ZNF804A: variants seen among roughly 807,000 people sequenced by gnomAD.
ZNF804A encodes zinc finger protein 804A.
A neutral mutation model predicts 16.5 loss-of-function variants in ZNF804A; 2 were observed. The observed-to-expected ratio is 0.12, with a 90% CI of 0.05 to 0.38. The LOEUF (loss-of-function observed/expected upper bound fraction) is 0.38, where lower values mean the gene tolerates loss of function less well. ZNF804A is among the 10% of genes least tolerant of loss of function. ZNF804A has a pLI of 0.99. For synonymous variants in ZNF804A, 534 were observed against 489.6 expected (o/e 1.09, Z -1.20); for missense variants, 1,473 against 1,390.7 (o/e 1.06, Z -0.94).
intron 1 of ZNF804A, among the ~76,000 whole-genome samples, chr2:184,637,699 T>TAAAATTTTTAGAAA (rs1691723620): frequency 2.8e-5 from 2 of 72,416 alleles, no homozygotes; most frequent in South Asian, 8.0e-4. Context: ...CTTTTTAAGG[T>TAAAATTTTTAGAAA]ATTTTATGAT....
At chr2:184,900,831 G>C (rs903835241) in intron 2 of ZNF804A, among the ~76,000 whole-genome samples, 11 of 152,180 alleles carry the variant, frequency 7.2e-5, no homozygotes, top group East Asian at 3.9e-4. Flanking sequence ...GCTCCCAAGG[G>C]GGGTAATACA....
chr2:184,697,977 A>T (rs1032087612), intron 1 of ZNF804A, among the ~76,000 whole-genome samples: 3 of 152,044 alleles, frequency 2.0e-5, no homozygotes, highest in African/African-American at 7.2e-5. Flanking sequence ...TATATCTAAT[A>T]TATATTGGAT....
intron 1 of ZNF804A, among the ~76,000 whole-genome samples, chr2:184,634,878 A>G (rs1267919697): frequency 6.6e-6 from 1 of 152,218 alleles, no homozygotes; most frequent in African/African-American, 2.4e-5. Flanking sequence ...GGTATTTGTC[A>G]GGCTTAAATT....
At chr2:184,903,134 T>C (rs1685213678) in intron 2 of ZNF804A, among the ~76,000 whole-genome samples, 1 of 152,064 alleles carries the variant, frequency 6.6e-6, no homozygotes, top group Non-Finnish European at 1.5e-5. Context: ...ACTCTTCTAG[T>C]TTTATCAGTA....
intron 1 of ZNF804A, among the ~76,000 whole-genome samples, chr2:184,644,928 C>T (rs953313363): frequency 1.3e-5 from 2 of 152,008 alleles, no homozygotes; most frequent in Non-Finnish European, 2.9e-5. Context: ...TCACAATTAC[C>T]TGGTGTATGG....
chr2:184,914,840 A>G (rs1052711446), intron 2 of ZNF804A, among the ~76,000 whole-genome samples: 1 of 151,906 alleles, frequency 6.6e-6, no homozygotes, highest in East Asian at 1.9e-4. Context: ...AATGATTAAA[A>G]TGTTAACTAA....
intron 1 of ZNF804A, among the ~76,000 whole-genome samples, chr2:184,862,673 A>G (rs1388277217): frequency 2.0e-5 from 3 of 152,044 alleles, no homozygotes; most frequent in Non-Finnish European, 4.4e-5. Context: ...AACTTTTTTT[A>G]AATGTGAAGT....
chr2:184,761,891 G>C (rs1042039820), intron 1 of ZNF804A, among the ~76,000 whole-genome samples: 1 of 152,074 alleles, frequency 6.6e-6, no homozygotes, highest in African/African-American at 2.4e-5. Context: ...TCAGGTCCCT[G>C]ATGAGCTTTT....
chr2:184,846,504 G>A (rs960430454), intron 1 of ZNF804A, among the ~76,000 whole-genome samples: 1 of 151,966 alleles, frequency 6.6e-6, no homozygotes, highest in Non-Finnish European at 1.5e-5. Context: ...AAAATTATAT[G>A]TATGGATTTT....
At chr2:184,930,824 T>C (rs1685686184) in intron 2 of ZNF804A, among the ~76,000 whole-genome samples, 1 of 152,256 alleles carries the variant, frequency 6.6e-6, no homozygotes, top group South Asian at 2.1e-4. Flanking sequence ...ATGGTATTTA[T>C]TAAAACTTTA....
chr2:184,820,290 C>T (rs191286488), intron 1 of ZNF804A, among the ~76,000 whole-genome samples: 104 of 152,232 alleles, frequency 6.8e-4, no homozygotes, highest in African/African-American at 2.2e-3. Context: ...TGTAATACAT[C>T]ACATAAACAG....
intron 1 of ZNF804A, among the ~76,000 whole-genome samples, chr2:184,818,503 T>G (rs1435363010): frequency 6.6e-6 from 1 of 151,820 alleles, no homozygotes; most frequent in Admixed American, 6.6e-5. Context: ...CATAAACAAG[T>G]CTGCAAAATA....
In ZNF804A at chr2:184,858,108, C is replaced by CT. The variant is rs57021452; in HGVS notation, c.112-8255dup. On this transcript the variant is annotated intron_variant, in intron 1 of 3. Coordinates refer to ENST00000302277, the MANE Select transcript of ZNF804A (RefSeq NM_194250.2). ...CTTTAGTGATAGACTTTTATTCCTA[C>CT]TTTTTTATCTTTGGTATATCTATTA... Among the ~76,000 whole-genome samples the CT allele has an allele frequency of 7.6e-3, 1,149 of 152,024 alleles. 18 individuals carry two copies. The highest frequency in any genetic ancestry group is 0.026 in the African/African-American group (1,092 of 41,472).
intron 1 of ZNF804A, among the ~76,000 whole-genome samples, chr2:184,852,041 T>C (rs1695611340): frequency 6.6e-6 from 1 of 151,788 alleles, no homozygotes; most frequent in South Asian, 2.1e-4. Flanking sequence ...TTATTTGTTT[T>C]CTTAGTCTTT....
At chr2:184,686,317 C>G (rs1308054521) in intron 1 of ZNF804A, among the ~76,000 whole-genome samples, 1 of 152,202 alleles carries the variant, frequency 6.6e-6, no homozygotes, top group Non-Finnish European at 1.5e-5. Flanking sequence ...CATGTAACCC[C>G]AGCTGTGCCT....
chr2:184,877,642 C>A (rs1168517570), intron 2 of ZNF804A, among the ~76,000 whole-genome samples: 1 of 151,858 alleles, frequency 6.6e-6, no homozygotes, highest in Non-Finnish European at 1.5e-5. Context: ...TGAGAATAAC[C>A]AGAGAAGTTT....
At chr2:184,650,187 A>C (rs536243418) in intron 1 of ZNF804A, among the ~76,000 whole-genome samples, 1 of 152,288 alleles carries the variant, frequency 6.6e-6, no homozygotes, top group African/African-American at 2.4e-5. Flanking sequence ...CTCATTATAG[A>C]AACATAATTA....
intron 1 of ZNF804A, among the ~76,000 whole-genome samples, chr2:184,721,092 A>G (rs536939773): frequency 1.3e-5 from 2 of 152,266 alleles, no homozygotes; most frequent in Admixed American, 1.3e-4. Context: ...ACAAATATCA[A>G]CTCAAGATGA....
intron 2 of ZNF804A, among the ~76,000 whole-genome samples, chr2:184,892,604 C>T (rs1233226362): frequency 2.0e-5 from 3 of 150,094 alleles, no homozygotes; most frequent in Non-Finnish European, 1.5e-5. Context: ...CCTGCCTCAT[C>T]CCCCCAGTAG....
Sources: allele counts gnomAD v4.1 joint callset (sites outside exome capture counted in the v4.1 genomes callset), GRCh38; gene constraint gnomAD v4.1.1; transcripts MANE v1.5; gene names NCBI Gene and HGNC (gene_info 2026-07-23, HGNC 2026-07-21).